Variants in TPCN2 observed in about 807,000 individuals in gnomAD.
The protein encoded by TPCN2 is two pore channel protein 2.
TPCN2 carries 92 observed loss-of-function variants against 111.4 expected under a neutral mutation model. The observed-to-expected ratio is 0.83, with a 90% CI of 0.70 to 0.98. The LOEUF is 0.98. TPCN2 is among the 50% of genes least tolerant of loss of function. The pLI is 0.00. For synonymous variants in TPCN2, 405 were observed against 414.5 expected (o/e 0.98, Z 0.28); for missense variants, 995 against 980.1 (o/e 1.02, Z -0.20).
At chr11:69,075,180 C>T (rs1421241796) in intron 13 of TPCN2, among the ~76,000 whole-genome samples, 1 of 152,086 alleles carries the variant, frequency 6.6e-6, no homozygotes, top group African/African-American at 2.4e-5. Context: ...TTAGGTTCCA[C>T]AGGTTTTGGG....
In TPCN2 at chr11:69,082,350, A is replaced by G. The variant is rs542861600; in HGVS notation, c.1689+851A>G. Among the ~76,000 whole-genome samples, 88 of 152,370 alleles carry G rather than the reference A, an allele frequency of 5.8e-4. 2 individuals carry two copies. In the South Asian group the frequency reaches 0.018, roughly 31 times the overall value. On this transcript the variant is annotated intron_variant, in intron 18 of 24. Transcript: ENST00000294309. ...TATACACACACAATCACAGGCACAC[A>G]TGATCATACACAGTCACACATATAC...
chr11:69,062,478 T>G (rs918304814), intron 5 of TPCN2, among the ~76,000 whole-genome samples: 5 of 146,748 alleles, frequency 3.4e-5, no homozygotes, highest in South Asian at 2.2e-4. Flanking sequence ...GGTTGAGGGG[T>G]GAGGAGGCGG....
chr11:69,054,744 G>T lies in TPCN2; in HGVS notation c.198G>T (p.Val66=). 6.2e-7 allele frequency: 1 copy of T among 1,614,188 alleles called. No individual in the cohort carries two copies. The highest frequency in any genetic ancestry group is 8.5e-7 in the Non-Finnish European group (1 of 1,180,006). ...AIQYRSINHR[V]DASSMWLYRR... ...AGTACCGCTCCATCAACCACCGGGT[G>T]GATGCCAGCTCGATGTGGCTTTACC... The change falls in exon 3 of 25, where the codon GTG becomes GTT. Residue 66 remains valine (V), a synonymous_variant. Transcript: ENST00000294309.
chr11:69,063,502 A>AT (rs1855117242), intron 6 of TPCN2, among the ~76,000 whole-genome samples: 1 of 151,708 alleles, frequency 6.6e-6, no homozygotes, highest in Non-Finnish European at 1.5e-5. Context: ...CCTGGTCCCG[A>AT]TCCCCTGCCG....
intron 19 of TPCN2, among the ~76,000 whole-genome samples, chr11:69,084,483 C>G (rs563853056): frequency 1.3e-5 from 2 of 152,190 alleles, no homozygotes; most frequent in Non-Finnish European, 2.9e-5. Context: ...TGGGACGCCC[C>G]GGCCCCTCCC....
chr11:69,078,225 A>G (rs1855872164), intron 13 of TPCN2, among the ~76,000 whole-genome samples: 1 of 152,094 alleles, frequency 6.6e-6, no homozygotes, highest in African/African-American at 2.4e-5. Context: ...TAATATCACA[A>G]CATGGTTTAC....
chr11:69,066,365 G>A (rs1256299723), intron 7 of TPCN2, among the ~76,000 whole-genome samples: 2 of 152,172 alleles, frequency 1.3e-5, no homozygotes, highest in Non-Finnish European at 2.9e-5. Flanking sequence ...CCCAGCAGGG[G>A]AGCCTGTCCC....
intron 20 of TPCN2, 36 bp downstream of exon 20, chr11:69,085,322 C>T: frequency 7.6e-7 from 1 of 1,312,552 alleles, no homozygotes; most frequent in Non-Finnish European, 1.1e-6. Flanking sequence ...GGGAGTGTCT[C>T]AGGGGTGCTG....
At chr11:69,086,652 A>G in intron 23 of TPCN2, 48 bp downstream of exon 23, 1 of 1,579,470 alleles carries the variant, frequency 6.3e-7, no homozygotes, top group Non-Finnish European at 8.7e-7. Context: ...GTTTGTTTCT[A>G]ATTCACTCTC....
intron 7 of TPCN2, among the ~76,000 whole-genome samples, chr11:69,064,627 T>A (rs900382216): frequency 6.6e-5 from 10 of 152,224 alleles, no homozygotes; most frequent in African/African-American, 2.4e-4. Context: ...TTCTTGGGGC[T>A]GGGGCCACGC....
At chr11:69,049,127 G>C in intron 1 of TPCN2, 21 bp downstream of exon 1, 1 of 1,225,416 alleles carries the variant, frequency 8.2e-7, no homozygotes. Flanking sequence ...CGGACCTGGG[G>C]AGGGGACTGG....
In TPCN2 at chr11:69,055,337, C is replaced by T. The variant is rs1010006089; in HGVS notation, c.414C>T (p.Ala138=). 6.2e-6 allele frequency: 10 copies of T among 1,610,000 alleles called. No individual in the cohort carries two copies. In the African/African-American group the frequency reaches 6.7e-5, roughly 11 times the overall value. The change falls in exon 4 of 25, where the codon GCC becomes GCT. Residue 138 remains alanine (A), a synonymous_variant. Transcript: ENST00000294309. The stretch of plus-strand genomic sequence containing the variant: ...TGCTCTGCCTGCTGGTCTTTGCGGC[C>T]GACCTCTCTGTGAAGGTGAGGCGGG... The part of the protein sequence containing the change: ...VEVLCLLVFA[A]DLSVKGYLFG...
intron 3 of TPCN2, 95 bp from the exon 4 acceptor site, chr11:69,055,080 A>G (rs1854695108): frequency 1.5e-6 from 2 of 1,352,162 alleles, no homozygotes; most frequent in Non-Finnish European, 2.1e-6. Context: ...AGGCAGCGCC[A>G]ACTCCCGTGC....
intron 11 of TPCN2, 108 bp downstream of exon 11, chr11:69,072,131 C>G (rs1364045579): frequency 2.2e-6 from 2 of 927,240 alleles, no homozygotes; most frequent in Non-Finnish European, 3.2e-6. Flanking sequence ...GTGCCTCGCC[C>G]CTGCTGGCTG....
intron 23 of TPCN2, 63 bp from the exon 24 acceptor site, chr11:69,087,049 G>A (rs531750002): frequency 2.7e-6 from 4 of 1,456,520 alleles, no homozygotes; most frequent in South Asian, 2.3e-5. Context: ...GAGGGGCCGG[G>A]GATGGGGCAA....
At chr11:69,085,409 C>T (rs1032525095) in intron 20 of TPCN2, 123 bp downstream of exon 20, 130 of 991,704 alleles carry the variant, frequency 1.3e-4, no homozygotes, top group African/African-American at 4.6e-4. Flanking sequence ...CCAGTTCCTT[C>T]GTCTCCTCCC....
intron 22 of TPCN2, 60 bp from the exon 23 acceptor site, chr11:69,086,463 G>C (rs1856279973): frequency 7.0e-7 from 1 of 1,421,934 alleles, no homozygotes; most frequent in Admixed American, 1.7e-5. Context: ...AGTGGTGTTT[G>C]TATCGAGTGC....
Position 69,057,665 on chromosome 11 carries a change from A to C in TPCN2, c.517A>C (p.Thr173Pro), listed in dbSNP as rs752813308. The C allele has an allele frequency of 2.5e-6, 4 of 1,613,898 alleles. No homozygotes were observed. The highest frequency in any genetic ancestry group is 3.4e-6 in the Non-Finnish European group (4 of 1,180,006). Reference sequence around the variant, plus strand: ...GCTGGTGGTGTCTCTGGTGGACTGGACCGTGTCCCTGAGTCTCGTGTGTCA... The same window carrying C: ...GCTGGTGGTGTCTCTGGTGGACTGGCCCGTGTCCCTGAGTCTCGTGTGTCA... ...VVLVVSLVDW[T>P]VSLSLVCHEP... The change falls in exon 5 of 25, where the codon ACC becomes CCC. Residue 173 changes from threonine (T) to proline (P), a missense_variant. By Grantham distance (38) the Thr-to-Pro change is conservative. Transcript: ENST00000294309.
intron 5 of TPCN2, among the ~76,000 whole-genome samples, chr11:69,062,427 TG>T (rs1392674800): frequency 1.4e-5 from 2 of 145,778 alleles, no homozygotes; most frequent in East Asian, 4.0e-4. Context: ...GGTCTGTGTC[TG>T]GGAGGGGAAG....
Sources: gnomAD v4.1 joint callset for allele counts (sites outside exome capture counted in the v4.1 genomes callset) on GRCh38, gnomAD v4.1.1 for gene constraint, MANE v1.5 for transcripts, NCBI Gene and HGNC (gene_info 2026-07-23, HGNC 2026-07-21) for gene names.